Variants in FAAH2 observed in about 807,000 individuals in gnomAD.
FAAH2 encodes the protein fatty acid amide hydrolase 2.
FAAH2 carries 60 observed loss-of-function variants against 36.9 expected under a neutral mutation model. That is an observed-to-expected ratio of 1.63 (90% CI 1.32 to 2.02). The LOEUF (loss-of-function observed/expected upper bound fraction) is 2.02. Ranked by LOEUF, FAAH2 falls within the 30% of genes most tolerant of loss-of-function variation. The pLI, the probability that FAAH2 is intolerant of heterozygous loss-of-function variation, is 0.00. For synonymous variants in FAAH2, 214 were observed against 143.8 expected, an observed-to-expected ratio of 1.49 and a Z score of -3.49; for missense variants, 689 against 397.5, an observed-to-expected ratio of 1.73 and a Z score of -6.23.
the FAAH2 span, among the ~76,000 whole-genome samples, chrX:57,242,975 C>T: frequency 5.4e-5 from 6 of 112,131 alleles, no homozygotes; most frequent in African/African-American, 1.6e-4. Flanking sequence ...GTGGATCCCA[C>T]CCCCGGAAAG....
At chrX:57,488,706 G>T (rs771208833) in intron 10 of FAAH2, 51 bp from the exon 11 acceptor site, 1 of 1,131,749 alleles carries the variant, frequency 8.8e-7, no homozygotes, top group African/African-American at 1.8e-5. Context: ...GAAAAAATAC[G>T]TTTTCAGGAA....
chrX:57,205,624 GA>G, the FAAH2 span, among the ~76,000 whole-genome samples: 1 of 112,080 alleles, frequency 8.9e-6, no homozygotes, highest in East Asian at 2.8e-4. Context: ...TAGGGCATCT[GA>G]AAAACTTTAC....
the FAAH2 span, among the ~76,000 whole-genome samples, chrX:57,156,461 A>G: frequency 1.8e-5 from 2 of 111,761 alleles, no homozygotes; most frequent in Non-Finnish European, 3.8e-5. Context: ...GTATCTGGGC[A>G]TTGAAGAGTT....
At chrX:57,242,029 T>A in the FAAH2 span, among the ~76,000 whole-genome samples, 1 of 112,526 alleles carries the variant, frequency 8.9e-6, no homozygotes, top group East Asian at 2.8e-4. Context: ...CAGACTTAAA[T>A]GTTCCTGCCA....
At chrX:57,136,150 TC>T in the FAAH2 span, 7 of 1,209,787 alleles carry the variant, frequency 5.8e-6, no homozygotes, top group Non-Finnish European at 7.8e-6. Flanking sequence ...GCTAAGACCA[TC>T]CCCCTCCATT....
At chrX:57,199,648 T>C in the FAAH2 span, among the ~76,000 whole-genome samples, 3 of 111,835 alleles carry the variant, frequency 2.7e-5, 1 homozygote, top group South Asian at 7.5e-4. Flanking sequence ...ATTTTCTTTC[T>C]GGAAGATCTG....
intron 5 of FAAH2, among the ~76,000 whole-genome samples, chrX:57,375,882 T>C (rs780213077): frequency 1.9e-4 from 21 of 112,079 alleles, no homozygotes; most frequent in African/African-American, 6.1e-4. Flanking sequence ...CTTAGGTTTT[T>C]AATCCATTAG....
Position 57,317,048 on chromosome X carries a change from A to G in FAAH2, c.412+6319A>G, listed in dbSNP as rs184217261. 3.6e-5 allele frequency among the ~76,000 whole-genome samples: 4 copies of G among 112,169 alleles called. No individual in the cohort carries two copies. In the East Asian group the frequency reaches 1.1e-3, roughly 31 times the overall value. On this transcript the variant is annotated intron_variant, in intron 3 of 10. Coordinates refer to ENST00000374900, the MANE Select transcript of FAAH2 (RefSeq NM_174912.4). ...AACTTAAGCAAATCAACAACTAATA[A>G]ACAAATAACCCATTAAAAAGTGAGC...
At chrX:57,354,692 TTAAC>T (rs1483919916) in intron 5 of FAAH2, among the ~76,000 whole-genome samples, 3 of 110,790 alleles carry the variant, frequency 2.7e-5, no homozygotes, top group Admixed American at 9.7e-5. Context: ...CTTTATGAAT[TTAAC>T]TATGTAAAAA....
chrX:57,456,910 C>T (rs188113283), intron 10 of FAAH2, among the ~76,000 whole-genome samples: 4 of 111,538 alleles, frequency 3.6e-5, no homozygotes, highest in Admixed American at 1.9e-4. Context: ...CCAAGAAAAT[C>T]GAAGAAGAGT....
chrX:57,163,242 G>A, the FAAH2 span, among the ~76,000 whole-genome samples: 1 of 111,853 alleles, frequency 8.9e-6, no homozygotes, highest in African/African-American at 3.2e-5. Flanking sequence ...CTGCGTGCTG[G>A]GAGAACCACT....
chrX:57,382,587 A>G (rs921197774), intron 7 of FAAH2, among the ~76,000 whole-genome samples: 2 of 111,975 alleles, frequency 1.8e-5, no homozygotes, highest in African/African-American at 6.5e-5. Context: ...AGAAATGGAT[A>G]AATTCCTGGA....
chrX:57,439,572 G>C (rs188300394), intron 8 of FAAH2, among the ~76,000 whole-genome samples: 1 of 111,506 alleles, frequency 9.0e-6, no homozygotes, highest in African/African-American at 3.3e-5. Context: ...TCTGATGGTA[G>C]TTTCTTTTGC....
chrX:57,372,869 A>T (rs1332110325), intron 5 of FAAH2, among the ~76,000 whole-genome samples: 2 of 109,351 alleles, frequency 1.8e-5, no homozygotes, highest in Admixed American at 2.0e-4. Context: ...TTTATCCCTC[A>T]CCCTCCTCTC....
At chrX:57,321,050 G>T (rs1008025038) in intron 3 of FAAH2, among the ~76,000 whole-genome samples, 5 of 110,227 alleles carry the variant, frequency 4.5e-5, no homozygotes, top group African/African-American at 6.6e-5. Flanking sequence ...TGAGGCAGGA[G>T]AATGGCGTGA....
chrX:57,439,661 C>T (rs373779836), intron 8 of FAAH2, among the ~76,000 whole-genome samples: 2 of 111,905 alleles, frequency 1.8e-5, no homozygotes, highest in Non-Finnish European at 3.8e-5. Flanking sequence ...GTGTTTTAGA[C>T]ATGAAGTCCT....
intron 5 of FAAH2, among the ~76,000 whole-genome samples, chrX:57,342,383 G>A (rs2053710143): frequency 9.0e-6 from 1 of 111,351 alleles, no homozygotes; most frequent in Non-Finnish European, 1.9e-5. Context: ...GCAGAGGGTG[G>A]GAGGATGGTT....
intron 7 of FAAH2, among the ~76,000 whole-genome samples, chrX:57,383,201 C>A (rs968909835): frequency 5.4e-4 from 61 of 111,929 alleles, no homozygotes; most frequent in Non-Finnish European, 9.0e-4. Context: ...CTATCTATGA[C>A]AAACCCACAG....
At chrX:57,284,394 C>T (rs937311140), upstream of FAAH2, among the ~76,000 whole-genome samples, 2 of 77,796 alleles carry the variant, frequency 2.6e-5, no homozygotes, top group African/African-American at 2.1e-4. Context: ...CATAACAAAA[C>T]AAAACAACAA....
Sources: gnomAD v4.1 joint callset for allele counts (sites outside exome capture counted in the v4.1 genomes callset) on GRCh38, gnomAD v4.1.1 for gene constraint, MANE v1.5 for transcripts, NCBI Gene and HGNC (gene_info 2026-07-23, HGNC 2026-07-21) for gene names.